Variants in DLG2 observed in about 807,000 individuals in gnomAD.
DLG2 encodes the protein disks large homolog 2.
In DLG2, 45 loss-of-function variants were observed where a neutral mutation model predicts 132.5. That is an observed-to-expected ratio of 0.34 (90% CI 0.27 to 0.44). The LOEUF (loss-of-function observed/expected upper bound fraction) is 0.44. DLG2 is among the 20% of genes least tolerant of loss of function. DLG2 has a pLI of 1.00. For synonymous variants in DLG2, 424 were observed against 419.6 expected (o/e 1.01, Z -0.13); for missense variants, 1,045 against 1,196.9 (o/e 0.87, Z 1.87).
At position 84,166,517 on chromosome 11, in the gene DLG2, A is replaced by AG. The variant is rs1250146840; in HGVS notation, c.574-3007_574-3006insC. Among the ~76,000 whole-genome samples, 12 of 136,456 alleles carry AG rather than the reference A, an allele frequency of 8.8e-5. 1 individual carries two copies. The highest frequency in any genetic ancestry group is 3.6e-3 in the Middle Eastern group (1 of 274). The allele number at this position is 136,456 out of a possible 152,430, so 89.5% of individuals were successfully genotyped here. ...CTCTGCTTCAAAAAAAAAAAAAAAA[A>AG]AAAGAAAAGAAAGAAAGAAAGAAAG... On this transcript the variant is annotated intron_variant, in intron 8 of 27. Coordinates refer to ENST00000376104, the MANE Select transcript of DLG2 (RefSeq NM_001142699.3).
At chr11:83,473,786 A>T (rs1038045907) in intron 22 of DLG2, among the ~76,000 whole-genome samples, 9 of 152,118 alleles carry the variant, frequency 5.9e-5, no homozygotes, top group Admixed American at 1.3e-4. Context: ...TTCATAGTCT[A>T]TCAATGCCAG....
At chr11:84,306,892 G>A (rs1243006608) in intron 7 of DLG2, among the ~76,000 whole-genome samples, 1 of 152,206 alleles carries the variant, frequency 6.6e-6, no homozygotes, top group Non-Finnish European at 1.5e-5. Flanking sequence ...ACACTTCAGT[G>A]AGAGTGCAAA....
intron 18 of DLG2, among the ~76,000 whole-genome samples, chr11:83,700,070 G>T (rs893829353): frequency 6.6e-6 from 1 of 151,526 alleles, no homozygotes; most frequent in Non-Finnish European, 1.5e-5. Flanking sequence ...AGGAACAAAA[G>T]TTTTCAATAA....
At chr11:85,331,125 C>G (rs1750033846) in intron 3 of DLG2, among the ~76,000 whole-genome samples, 1 of 152,050 alleles carries the variant, frequency 6.6e-6, no homozygotes, top group Non-Finnish European at 1.5e-5. Context: ...TTATTTTTTC[C>G]AAGAATATAA....
At chr11:84,778,108 T>A (rs2071028160) in intron 6 of DLG2, among the ~76,000 whole-genome samples, 2 of 152,178 alleles carry the variant, frequency 1.3e-5, no homozygotes, top group South Asian at 4.1e-4. Context: ...ACGTCTTTAA[T>A]CCATCTTGAG....
intron 18 of DLG2, among the ~76,000 whole-genome samples, chr11:83,684,707 G>T (rs1227372678): frequency 1.3e-5 from 2 of 152,056 alleles, no homozygotes; most frequent in Non-Finnish European, 2.9e-5. Context: ...ATCTGAAATG[G>T]CTTGGTCTCG....
chr11:84,600,853 G>A (rs1336025047), intron 6 of DLG2, among the ~76,000 whole-genome samples: 2 of 152,114 alleles, frequency 1.3e-5, no homozygotes, highest in Admixed American at 6.5e-5. Flanking sequence ...GGAAATAATT[G>A]CCTTTTACAA....
At chr11:83,965,968 T>A (rs1232939561) in intron 12 of DLG2, among the ~76,000 whole-genome samples, 1 of 152,070 alleles carries the variant, frequency 6.6e-6, no homozygotes, top group East Asian at 1.9e-4. Flanking sequence ...TTTTGTTTTC[T>A]GCAGAGCATT....
At chr11:84,415,924 C>T (rs2098928061) in intron 7 of DLG2, among the ~76,000 whole-genome samples, 1 of 152,090 alleles carries the variant, frequency 6.6e-6, no homozygotes, top group Non-Finnish European at 1.5e-5. Context: ...GTATCATAAG[C>T]CATCAATAAA....
chr11:84,481,188 A>G (rs2099136583), intron 7 of DLG2, among the ~76,000 whole-genome samples: 1 of 152,184 alleles, frequency 6.6e-6, no homozygotes. Flanking sequence ...TTTGTCTATC[A>G]TATGGATGTT....
intron 18 of DLG2, among the ~76,000 whole-genome samples, chr11:83,644,267 G>T (rs1327592277): frequency 6.6e-5 from 10 of 152,114 alleles, no homozygotes; most frequent in Admixed American, 6.6e-4. Flanking sequence ...GGCTGCTAAT[G>T]TGGCCATCTC....
intron 19 of DLG2, among the ~76,000 whole-genome samples, chr11:83,606,710 G>T (rs1214236341): frequency 6.6e-6 from 1 of 151,638 alleles, no homozygotes; most frequent in Non-Finnish European, 1.5e-5. Context: ...GGCGGATCAC[G>T]AGGTCAGGAG....
chr11:85,617,089 G>GTGAAT (rs1399936166), intron 2 of DLG2, among the ~76,000 whole-genome samples: 1 of 152,142 alleles, frequency 6.6e-6, no homozygotes, highest in Non-Finnish European at 1.5e-5. Context: ...AAGAGTAAAG[G>GTGAAT]TGAATTACAG....
intron 4 of DLG2, among the ~76,000 whole-genome samples, chr11:85,223,492 T>G (rs1467330899): frequency 6.6e-6 from 1 of 151,798 alleles, no homozygotes; most frequent in African/African-American, 2.4e-5. Context: ...TATATATATA[T>G]AGCGAGGCGT....
intron 8 of DLG2, among the ~76,000 whole-genome samples, chr11:84,187,081 T>A (rs1212098150): frequency 6.6e-6 from 1 of 150,666 alleles, no homozygotes; most frequent in Admixed American, 6.6e-5. Context: ...CCAGGCATAA[T>A]TTTTAAGTAT....
At chr11:84,354,414 C>G (rs945343657) in intron 7 of DLG2, among the ~76,000 whole-genome samples, 1 of 152,098 alleles carries the variant, frequency 6.6e-6, no homozygotes, top group Non-Finnish European at 1.5e-5. Flanking sequence ...CTCCTTTTCT[C>G]CTACTATGTT....
intron 6 of DLG2, chr11:85,021,283 T>C: frequency 7.8e-7 from 1 of 1,281,216 alleles, no homozygotes; most frequent in South Asian, 1.2e-5. Flanking sequence ...TGGGTGACTG[T>C]ACATCCTATC....
chr11:83,576,485 C>T (rs1157642181), intron 19 of DLG2, among the ~76,000 whole-genome samples: 1 of 151,850 alleles, frequency 6.6e-6, no homozygotes, highest in East Asian at 1.9e-4. Context: ...CATAATCAAA[C>T]AGCTTAGTAG....
intron 6 of DLG2, among the ~76,000 whole-genome samples, chr11:84,625,046 G>C (rs1285264309): frequency 6.7e-6 from 1 of 149,626 alleles, no homozygotes; most frequent in Non-Finnish European, 1.5e-5. Flanking sequence ...ATTTTTAGTA[G>C]AGACGGGGTT....
Sources: allele counts gnomAD v4.1 joint callset (sites outside exome capture counted in the v4.1 genomes callset), GRCh38; gene constraint gnomAD v4.1.1; transcripts MANE v1.5; gene names NCBI Gene and HGNC (gene_info 2026-07-23, HGNC 2026-07-21).